Variants in SPATA31F1 observed in about 807,000 individuals in gnomAD.
The protein encoded by SPATA31F1 is SPATA31 subfamily F member 1.
chr9:34,728,919 A>C, the SPATA31F1 span, among the ~76,000 whole-genome samples: 3 of 152,200 alleles, frequency 2.0e-5, no homozygotes, highest in Non-Finnish European at 4.4e-5. Context: ...TGAGGATGAC[A>C]CAGGAGGAAA....
At chr9:34,725,824 A>G in the SPATA31F1 span, 1 of 1,550,552 alleles carries the variant, frequency 6.4e-7, no homozygotes, top group Non-Finnish European at 8.7e-7. Flanking sequence ...AGGAGAGCTC[A>G]TTGAAGAGAA....
chr9:34,725,838 G>T, the SPATA31F1 span: 3 of 1,551,196 alleles, frequency 1.9e-6, no homozygotes, highest in South Asian at 2.4e-5. Flanking sequence ...AAGAGAAAAG[G>T]ATCCTTCAAG....
chr9:34,726,912 C>A, the SPATA31F1 span: 1 of 1,551,772 alleles, frequency 6.4e-7, no homozygotes, highest in African/African-American at 1.4e-5. Context: ...TCCAGAGCCA[C>A]AGAATTGCAG....
the SPATA31F1 span, chr9:34,728,111 G>A: frequency 5.8e-6 from 9 of 1,546,960 alleles, no homozygotes; most frequent in South Asian, 8.4e-5. Context: ...GTGTTATATG[G>A]CATGGGATAA....
chr9:34,724,929 C>T, the SPATA31F1 span: 1 of 1,551,236 alleles, frequency 6.4e-7, no homozygotes, highest in African/African-American at 1.4e-5. Context: ...TCCAGTTTCT[C>T]AATGGCTTCC....
the SPATA31F1 span, chr9:34,723,683 A>C: frequency 6.4e-7 from 1 of 1,551,590 alleles, no homozygotes; most frequent in Non-Finnish European, 8.7e-7. Flanking sequence ...TTGGCCTTGC[A>C]AAGTTTGGCC....
chr9:34,728,941 C>T, the SPATA31F1 span, among the ~76,000 whole-genome samples: 3 of 152,098 alleles, frequency 2.0e-5, no homozygotes, highest in East Asian at 1.9e-4. Context: ...GCAGAACAGA[C>T]AAAAGGGTAA....
At chr9:34,728,754 A>G in the SPATA31F1 span, 170 of 1,097,082 alleles carry the variant, frequency 1.5e-4, no homozygotes, top group Non-Finnish European at 2.2e-4. Flanking sequence ...CTCGCTTTGT[A>G]TATATCTATC....
chr9:34,727,226 G>A, the SPATA31F1 span, among the ~76,000 whole-genome samples: 1 of 152,224 alleles, frequency 6.6e-6, no homozygotes. Context: ...GGAGGGCATG[G>A]CCCTCAGAGA....
At chr9:34,724,168 G>A in the SPATA31F1 span, 7 of 1,551,126 alleles carry the variant, frequency 4.5e-6, no homozygotes, top group Non-Finnish European at 6.1e-6. Flanking sequence ...CAGGGCCACA[G>A]GGTTCCTCCA....
the SPATA31F1 span, among the ~76,000 whole-genome samples, chr9:34,729,063 C>T: frequency 1.3e-5 from 2 of 152,192 alleles, no homozygotes; most frequent in Non-Finnish European, 2.9e-5. Context: ...TTATCTAGTT[C>T]TCAATCCAAA....
chr9:34,727,438 C>T, the SPATA31F1 span, among the ~76,000 whole-genome samples: 1 of 152,194 alleles, frequency 6.6e-6, no homozygotes, highest in South Asian at 2.1e-4. Context: ...GGGACTTCTG[C>T]ATTCTGGGGT....
At chr9:34,727,019 T>C in the SPATA31F1 span, 49,916 of 1,533,956 alleles carry the variant, frequency 0.033, 3,328 homozygotes, top group African/African-American at 0.28. Flanking sequence ...AAATTAACGA[T>C]GGAGTGACAT....
At chr9:34,728,147 G>A in the SPATA31F1 span, 1 of 1,421,216 alleles carries the variant, frequency 7.0e-7, no homozygotes, top group East Asian at 2.5e-5. Flanking sequence ...ATAGGAAGCT[G>A]AATAGTAAGG....
At chr9:34,727,047 T>C in the SPATA31F1 span, 12 of 1,509,624 alleles carry the variant, frequency 7.9e-6, no homozygotes, top group Non-Finnish European at 1.1e-5. Flanking sequence ...CTTGGAAGAG[T>C]GTGGGCTGGA....
At chr9:34,723,065 A>T in the SPATA31F1 span, 10 of 780,718 alleles carry the variant, frequency 1.3e-5, no homozygotes, top group Non-Finnish European at 1.8e-5. Context: ...GCTGAGAAAT[A>T]TAGAGTGTAT....
chr9:34,727,895 C>A, the SPATA31F1 span: 1 of 827,802 alleles, frequency 1.2e-6, no homozygotes, highest in African/African-American at 1.7e-5. Context: ...CACCCAGTGT[C>A]CCTGCTTCCA....
the SPATA31F1 span, among the ~76,000 whole-genome samples, chr9:34,728,869 A>G: frequency 5.3e-5 from 8 of 152,158 alleles, no homozygotes; most frequent in Middle Eastern, 3.2e-3. Context: ...TCCAAATTCT[A>G]TACCTCCCAT....
the SPATA31F1 span, chr9:34,723,264 C>G: frequency 3.2e-6 from 5 of 1,551,674 alleles, no homozygotes; most frequent in Non-Finnish European, 4.4e-6. Flanking sequence ...TTGGCACAAG[C>G]CTCTCGAGGA....
Sources: gnomAD v4.1 joint callset for allele counts (sites outside exome capture counted in the v4.1 genomes callset) on GRCh38, gnomAD v4.1.1 for gene constraint, MANE v1.5 for transcripts, NCBI Gene and HGNC (gene_info 2026-07-23, HGNC 2026-07-21) for gene names.